The following FARP1 variants were observed in gnomAD, a reference collection of about 807,000 sequenced individuals.
FARP1 encodes the protein FERM, ARH/RhoGEF and pleckstrin domain protein 1, also known as FERM, ARHGEF and pleckstrin domain-containing protein 1.
Under a neutral mutation model 128.8 loss-of-function variants are expected in FARP1, and 52 were observed. The ratio of observed to expected loss-of-function variants is 0.40; its 90% CI spans 0.32 to 0.51. The LOEUF (loss-of-function observed/expected upper bound fraction) is 0.51. Ranked by LOEUF, FARP1 falls within the 20% of genes least tolerant of loss-of-function variation. FARP1 has a pLI of 0.45. For synonymous variants in FARP1, 580 were observed against 551.8 expected, an observed-to-expected ratio of 1.05 and a Z score of -0.72; for missense variants, 1,333 against 1,367.9, an observed-to-expected ratio of 0.97 and a Z score of 0.40.
intron 3 of FARP1, among the ~76,000 whole-genome samples, chr13:98,349,431 G>C (rs1211267943): frequency 1.3e-5 from 2 of 152,078 alleles, no homozygotes; most frequent in Non-Finnish European, 2.9e-5. Context: ...CAGCACTTTG[G>C]GAGGCCGAGG....
intron 2 of FARP1, among the ~76,000 whole-genome samples, chr13:98,272,112 C>T (rs1349501362): frequency 2.0e-5 from 3 of 152,124 alleles, no homozygotes; most frequent in African/African-American, 2.4e-5. Context: ...TCACTGCAAC[C>T]TGTACCTCCT....
intron 2 of FARP1, among the ~76,000 whole-genome samples, chr13:98,290,716 T>C (rs1398881073): frequency 6.6e-6 from 1 of 151,824 alleles, no homozygotes; most frequent in East Asian, 1.9e-4. Context: ...CTGGTGTAGG[T>C]GGTGGGAAGT....
intron 1 of FARP1, among the ~76,000 whole-genome samples, chr13:98,165,679 TAAAA>T (rs140355132): frequency 6.2e-5 from 7 of 113,592 alleles, no homozygotes; most frequent in Non-Finnish European, 6.8e-5. Flanking sequence ...CTCTCATCAT[TAAAA>T]AAAAAAAAAA....
At chr13:98,321,834 AC>A (rs1351086498) in intron 2 of FARP1, among the ~76,000 whole-genome samples, 1 of 152,246 alleles carries the variant, frequency 6.6e-6, no homozygotes, top group Non-Finnish European at 1.5e-5. Flanking sequence ...ATTTGATGTC[AC>A]CACCTTCCAG....
chr13:98,248,311 A>G (rs1883166449), intron 2 of FARP1, among the ~76,000 whole-genome samples: 1 of 152,190 alleles, frequency 6.6e-6, no homozygotes, highest in Non-Finnish European at 1.5e-5. Flanking sequence ...TAGTGGACTC[A>G]GGGACACTGA....
rs146125444 is a variant in FARP1 at position 98,366,428 on chromosome 13, C to T, written c.319+991C>T. 2.7e-3 allele frequency among the ~76,000 whole-genome samples: 409 copies of T among 152,316 alleles called. 2 individuals carry two copies. The highest frequency in any genetic ancestry group is 4.2e-3 in the Non-Finnish European group (287 of 68,032). ...TGTCCTGAGCATGGCTGGCAGGCAA[C>T]GACTAGTGTTGGGGGCGAAGAGAAG... On this transcript the variant is annotated intron_variant, in intron 4 of 26. Coordinates refer to ENST00000319562, the MANE Select transcript of FARP1 (RefSeq NM_005766.4).
At chr13:98,217,378 G>A (rs927661078) in intron 2 of FARP1, among the ~76,000 whole-genome samples, 26 of 152,302 alleles carry the variant, frequency 1.7e-4, no homozygotes, top group African/African-American at 6.0e-4. Context: ...GCGGGTGGAC[G>A]ATGGCAGAAG....
chr13:98,303,870 AC>A (rs1256359153), intron 2 of FARP1, among the ~76,000 whole-genome samples: 1 of 152,198 alleles, frequency 6.6e-6, no homozygotes, highest in African/African-American at 2.4e-5. Context: ...CAAAGACTGC[AC>A]TGTATTTGAC....
chr13:98,342,905 TC>T (rs1196504901), intron 2 of FARP1, among the ~76,000 whole-genome samples: 2 of 151,534 alleles, frequency 1.3e-5, no homozygotes, highest in African/African-American at 4.9e-5. Context: ...ATGCCTGTAA[TC>T]CCAGCTACTC....
chr13:98,180,029 CAGGCTAGGGAA>C (rs1338631816), intron 1 of FARP1, among the ~76,000 whole-genome samples: 23 of 152,156 alleles, frequency 1.5e-4, no homozygotes, highest in Admixed American at 3.3e-4. Context: ...AAAGGGTAGC[CAGGCTAGGGAA>C]AGGCTAGGGA....
chr13:98,370,445 C>T (rs1322379291), intron 5 of FARP1, among the ~76,000 whole-genome samples: 2 of 151,672 alleles, frequency 1.3e-5, no homozygotes, highest in African/African-American at 2.4e-5. Flanking sequence ...CAATAGGTAG[C>T]AGTAGAAATG....
chr13:98,309,448 C>T (rs1237910085), intron 2 of FARP1, among the ~76,000 whole-genome samples: 3 of 151,872 alleles, frequency 2.0e-5, no homozygotes, highest in South Asian at 2.1e-4. Context: ...GGATTACAAG[C>T]GTGAGCCACC....
intron 2 of FARP1, among the ~76,000 whole-genome samples, chr13:98,214,073 C>T (rs77718992): frequency 0.028 from 4,312 of 152,256 alleles, 185 homozygotes; most frequent in African/African-American, 0.098. Flanking sequence ...CAGGAGGAGC[C>T]GGCAGCCTGG....
At chr13:98,272,743 C>T (rs777155648) in intron 2 of FARP1, among the ~76,000 whole-genome samples, 2 of 152,260 alleles carry the variant, frequency 1.3e-5, no homozygotes, top group Non-Finnish European at 2.9e-5. Flanking sequence ...GGTTGCTACC[C>T]TGGCTTGAGC....
intron 2 of FARP1, among the ~76,000 whole-genome samples, chr13:98,322,794 G>A (rs1171838947): frequency 1.3e-5 from 2 of 152,132 alleles, no homozygotes; most frequent in East Asian, 1.9e-4. Context: ...AAAGGCAGCC[G>A]AAACCCAACC....
chr13:98,256,979 A>ATATATATATATATG, intron 2 of FARP1, among the ~76,000 whole-genome samples: 1 of 136,540 alleles, frequency 7.3e-6, no homozygotes, highest in Non-Finnish European at 1.6e-5. Flanking sequence ...ATATATATAT[A>ATATATATATATATG]TATATATATA....
intron 17 of FARP1, among the ~76,000 whole-genome samples, chr13:98,427,261 G>A (rs1299210684): frequency 6.6e-6 from 1 of 152,004 alleles, no homozygotes; most frequent in South Asian, 2.1e-4. Flanking sequence ...ACATAGCTGG[G>A]ATCAGACAGT....
At chr13:98,278,398 T>C (rs1884773610) in intron 2 of FARP1, among the ~76,000 whole-genome samples, 4 of 152,074 alleles carry the variant, frequency 2.6e-5, no homozygotes, top group Admixed American at 2.6e-4. Flanking sequence ...GTTGCATATG[T>C]GTGTGAGTGT....
At chr13:98,264,067 G>A (rs1883995579) in intron 2 of FARP1, among the ~76,000 whole-genome samples, 1 of 152,202 alleles carries the variant, frequency 6.6e-6, no homozygotes, top group Non-Finnish European at 1.5e-5. Context: ...GAGGGCACAA[G>A]GCAGGCATAG....
Sources: allele counts gnomAD v4.1 joint callset (sites outside exome capture counted in the v4.1 genomes callset), GRCh38; gene constraint gnomAD v4.1.1; transcripts MANE v1.5; gene names NCBI Gene and HGNC (gene_info 2026-07-23, HGNC 2026-07-21).